The following ATG13 variants were observed in gnomAD, a reference collection of about 807,000 sequenced individuals.
ATG13 encodes autophagy related 13.
A neutral mutation model predicts 65.5 loss-of-function variants in ATG13; 23 were observed. The observed-to-expected ratio is 0.35, with a 90% CI of 0.25 to 0.50. ATG13 has a LOEUF of 0.50. ATG13 is among the 20% of genes least tolerant of loss of function. The pLI, the probability that ATG13 is intolerant of heterozygous loss-of-function variation, is 0.98. For synonymous variants in ATG13, 252 were observed against 245.2 expected (o/e 1.03, Z -0.26); for missense variants, 566 against 677.0 (o/e 0.84, Z 1.82).
chr11:46,654,285 A>T (rs952903103), intron 7 of ATG13, among the ~76,000 whole-genome samples: 13 of 134,096 alleles, frequency 9.7e-5, no homozygotes, highest in African/African-American at 3.8e-4. Flanking sequence ...TTAAAATTTT[A>T]TATATATATA....
rs565932802 is a variant in ATG13 at position 46,663,977 on chromosome 11, C to G, written c.790-20C>G. Reference sequence around the variant, plus strand: ...TTTTTTTTTTTTGTTTCTCCTGTCTCTGTGTGTGTCTGTGCACAGTGTGTG... The same window carrying G: ...TTTTTTTTTTTTGTTTCTCCTGTCTGTGTGTGTGTCTGTGCACAGTGTGTG... On this transcript the variant is annotated intron_variant, in intron 11 of 18. Transcript: ENST00000683050. 2.4e-6 allele frequency: 2 copies of G among 835,882 alleles called. No homozygotes were observed. Among genetic ancestry groups the G allele is most frequent in the Admixed American group, 2.8e-5 (1 of 35,638 alleles). 51.8% of individuals were successfully genotyped at this position (835,882 alleles called of 1,614,324 possible).
At chr11:46,633,007 T>C (rs771841984) in intron 2 of ATG13, among the ~76,000 whole-genome samples, 2 of 102,234 alleles carry the variant, frequency 2.0e-5, no homozygotes, top group Non-Finnish European at 3.9e-5. Flanking sequence ...AAAAAAAATA[T>C]ATATATATAT....
chr11:46,629,527 G>T (rs2050931176), intron 1 of ATG13, among the ~76,000 whole-genome samples: 1 of 152,002 alleles, frequency 6.6e-6, no homozygotes, highest in Admixed American at 6.6e-5. Context: ...CTCCCAAGTA[G>T]CTGGGATTCC....
At chr11:46,671,692 A>C (rs2063762769) in intron 18 of ATG13, among the ~76,000 whole-genome samples, 1 of 152,216 alleles carries the variant, frequency 6.6e-6, no homozygotes, top group Non-Finnish European at 1.5e-5. Context: ...CAGTGAGCTG[A>C]GATCACACCA....
intron 15 of ATG13, 111 bp downstream of exon 15, chr11:46,667,998 C>T (rs2062763082): frequency 9.9e-6 from 8 of 807,770 alleles, no homozygotes; most frequent in African/African-American, 1.7e-5. Flanking sequence ...ACTGAACTGG[C>T]ATGCAAAACT....
intron 5 of ATG13, among the ~76,000 whole-genome samples, chr11:46,647,265 GTTTTTGTTT>G (rs987893796): frequency 7.1e-5 from 10 of 141,508 alleles, no homozygotes; most frequent in African/African-American, 2.6e-5. Context: ...TGCTTTTTGG[GTTTTTGTTT>G]TTTTTGTTTT....
chr11:46,656,645 T>C (rs2136690441), intron 8 of ATG13, among the ~76,000 whole-genome samples: 1 of 152,358 alleles, frequency 6.6e-6, no homozygotes, highest in South Asian at 2.1e-4. Flanking sequence ...CCTTGGCTCT[T>C]TACTTAGCCG....
chr11:46,637,937 C>T (rs1340845158), intron 2 of ATG13, among the ~76,000 whole-genome samples: 2 of 152,044 alleles, frequency 1.3e-5, no homozygotes, highest in African/African-American at 2.4e-5. Context: ...ACGTGGGGAC[C>T]AAAATGTAGG....
intron 2 of ATG13, among the ~76,000 whole-genome samples, chr11:46,640,114 G>C (rs2055453882): frequency 6.6e-6 from 1 of 152,036 alleles, no homozygotes; most frequent in Admixed American, 6.6e-5. Flanking sequence ...CAAAGTACTG[G>C]GATTACAGGC....
intron 1 of ATG13, among the ~76,000 whole-genome samples, chr11:46,625,862 GAGA>G (rs1316296462): frequency 6.6e-6 from 1 of 152,230 alleles, no homozygotes; most frequent in East Asian, 1.9e-4. Flanking sequence ...TGCTTTGGAA[GAGA>G]AGGTTTGTGT....
rs183665918 is a variant in ATG13 at position 46,656,303 on chromosome 11, G to C, written c.499+30G>C. On this transcript the variant is annotated intron_variant, in intron 8 of 18. Transcript: ENST00000683050. The stretch of plus-strand genomic sequence containing the variant: ...GTATCAACGGTTGAAAAACATCGTA[G>C]TGTTCAGAGCTCTCCTAACTTCAGA... 136 of 1,595,960 alleles carry C rather than the reference G, an allele frequency of 8.5e-5. 1 individual carries two copies. In the Admixed American group the frequency reaches 2.3e-3, roughly 27 times the overall value.
chr11:46,649,280 G>A, intron 6 of ATG13, 97 bp downstream of exon 6: 1 of 1,396,584 alleles, frequency 7.2e-7, no homozygotes, highest in Non-Finnish European at 9.9e-7. Flanking sequence ...AGTCAGGGAG[G>A]GCATTCTGAC....
chr11:46,627,447 C>T (rs2050083835), intron 1 of ATG13, among the ~76,000 whole-genome samples: 1 of 152,018 alleles, frequency 6.6e-6, no homozygotes, highest in African/African-American at 2.4e-5. Context: ...CCAAAACCTA[C>T]ATGTTCTCGC....
chr11:46,672,271 A>G lies in ATG13; in HGVS notation c.1592A>G (p.Lys531Arg), dbSNP rs766194356. Residue 531 changes from lysine (K) to arginine (R), a missense_variant, in exon 19 of 19, where the codon AAG (lysine) becomes AGG (arginine). Lys to Arg is a conservative substitution (Grantham distance 26). Coordinates refer to ENST00000683050, the MANE Select transcript of ATG13 (RefSeq NM_001346311.2). ...MAEDLDSLPE[K>R]LAVHEKNVRE... ...CCGGTACAGGACTCATTACCAGAGA[A>G]GCTGGCTGTGCATGAGAAGAATGTC... The G allele has an allele frequency of 3.3e-5, 53 of 1,614,160 alleles. No individual in the cohort carries two copies. The highest frequency in any genetic ancestry group is 4.2e-5 in the Non-Finnish European group (49 of 1,180,056).
In ATG13 at chr11:46,645,355, T is replaced by C. The variant is rs1002021775; in HGVS notation, c.86T>C (p.Val29Ala). ...FFALKTVQVI[V>A]QARLGEKICT... ...TTTCTTTAGACTGTCCAAGTGATTG[T>C]CCAGGCTCGGCTTGGTGAAAAGATT... is the stretch of plus-strand genomic sequence containing the variant. Residue 29 changes from valine to alanine, a missense_variant, in exon 4 of 19, where the codon GTC becomes GCC. By Grantham distance (64) the Val-to-Ala change is moderately conservative. This residue lies in a region of ATG13 where 179 missense variants were observed against 267.2 expected (regional missense o/e 0.67). Transcript: ENST00000683050. 1 of 1,613,916 alleles carries C rather than the reference T, an allele frequency of 6.2e-7. No homozygotes were observed. Among genetic ancestry groups the C allele is most frequent in the Non-Finnish European group, 8.5e-7 (1 of 1,179,920 alleles).
At chr11:46,657,497 T>TA (rs754012024) in intron 9 of ATG13, 27 bp from the exon 10 acceptor site, 3 of 1,598,782 alleles carry the variant, frequency 1.9e-6, no homozygotes, top group East Asian at 2.2e-5. Flanking sequence ...TTCTAACAAA[T>TA]ACTGGAATCT....
intron 1 of ATG13, among the ~76,000 whole-genome samples, chr11:46,621,359 A>T (rs2047448293): frequency 6.6e-6 from 1 of 152,120 alleles, no homozygotes; most frequent in African/African-American, 2.4e-5. Context: ...TTTTACATGA[A>T]GTCTGTAGTT....
At position 46,649,146 on chromosome 11, in the gene ATG13, A is replaced by G; in HGVS notation, c.280A>G (p.Met94Val). ...ISLKTSEGDS[M>V]ELEIWCLEMN... ...TTTGTCCTTTCTACAGGGAGATTCCATGGAGCTGGAAATATGGTGTCTTGA... is the reference window on the plus strand; with the variant it reads ...TTTGTCCTTTCTACAGGGAGATTCCGTGGAGCTGGAAATATGGTGTCTTGA... The change falls in exon 6 of 19, where the codon ATG (methionine) becomes GTG (valine). Residue 94 changes from methionine (M) to valine (V), a missense_variant. By Grantham distance (21) the Met-to-Val change is conservative. Transcript: ENST00000683050. 3 of 1,612,930 alleles carry G rather than the reference A, an allele frequency of 1.9e-6. No homozygotes were observed. The highest frequency in any genetic ancestry group is 1.1e-5 in the South Asian group (1 of 90,882).
chr11:46,623,965 A>G (rs867515237), intron 1 of ATG13, among the ~76,000 whole-genome samples: 1 of 149,672 alleles, frequency 6.7e-6, no homozygotes, highest in Non-Finnish European at 1.5e-5. Flanking sequence ...CTTATATCTC[A>G]TGAATAAGAA....
Sources: gnomAD v4.1 joint callset for allele counts (sites outside exome capture counted in the v4.1 genomes callset) on GRCh38, gnomAD v4.1.1 for gene constraint, gnomAD v4.1.1 regional missense constraint, MANE v1.5 for transcripts, NCBI Gene and HGNC (gene_info 2026-07-23, HGNC 2026-07-21) for gene names.